Variants in RFT1 observed in about 807,000 individuals in gnomAD.
The protein encoded by RFT1 is man(5)GlcNAc(2)-PP-dolichol translocation protein RFT1.
A neutral mutation model predicts 62.2 loss-of-function variants in RFT1; 43 were observed. The ratio of observed to expected loss-of-function variants is 0.69; its 90% CI spans 0.54 to 0.89. RFT1 has a LOEUF of 0.89. Ranked by LOEUF, RFT1 falls within the 40% of genes least tolerant of loss-of-function variation. The pLI is 0.00. For synonymous variants in RFT1, 262 were observed against 264.6 expected (o/e 0.99, Z 0.10); for missense variants, 605 against 649.9 (o/e 0.93, Z 0.75).
the RFT1 span, among the ~76,000 whole-genome samples, chr3:53,081,645 G>A: frequency 1.3e-5 from 2 of 152,162 alleles, no homozygotes; most frequent in South Asian, 2.1e-4. Flanking sequence ...GACCCGAGAG[G>A]CCAAAAGTGA....
chr3:53,093,512 T>C (rs1701054731), intron 11 of RFT1, among the ~76,000 whole-genome samples: 1 of 152,138 alleles, frequency 6.6e-6, no homozygotes, highest in Non-Finnish European at 1.5e-5. Context: ...TCAAAGTATA[T>C]AGCTGTTGAG....
chr3:53,095,056 A>C (rs912742756), intron 11 of RFT1, among the ~76,000 whole-genome samples: 2 of 149,312 alleles, frequency 1.3e-5, no homozygotes, highest in South Asian at 4.2e-4. Flanking sequence ...TCGCGAGGTC[A>C]AGAGATCGAG....
In RFT1 at chr3:53,121,693, T is replaced by C; in HGVS notation, c.558+6A>G. ...CATATAAAAAGTTAAAAGCCATGAT[T>C]CTTACCTGGGCCAAAGAGAAAATGT... On this transcript the variant is annotated splice_donor_region_variant and intron_variant, in intron 5 of 12. Transcript: ENST00000296292. 6.2e-7 allele frequency: 1 copy of C among 1,608,752 alleles called. No homozygotes were observed. Among genetic ancestry groups the C allele is most frequent in the African/African-American group, 1.3e-5 (1 of 74,804 alleles).
At chr3:53,106,673 C>A (rs1208347899) in intron 8 of RFT1, 146 bp downstream of exon 8, 1 of 697,118 alleles carries the variant, frequency 1.4e-6, no homozygotes, top group South Asian at 1.8e-5. Context: ...AGGGCATAGT[C>A]AGTACAAAGA....
intron 1 of RFT1, among the ~76,000 whole-genome samples, chr3:53,126,270 GACTC>G (rs987304277): frequency 3.9e-4 from 59 of 152,290 alleles, no homozygotes; most frequent in African/African-American, 1.2e-3. Flanking sequence ...GGCCCCAATA[GACTC>G]ACTGAGTTTC....
chr3:53,075,295 T>C, the RFT1 span, among the ~76,000 whole-genome samples: 1 of 152,232 alleles, frequency 6.6e-6, no homozygotes, highest in African/African-American at 2.4e-5. Context: ...TTAGAAAGCA[T>C]GCGGCCATTT....
chr3:53,116,940 C>T (rs1701827483), intron 6 of RFT1, among the ~76,000 whole-genome samples: 1 of 152,170 alleles, frequency 6.6e-6, no homozygotes, highest in Non-Finnish European at 1.5e-5. Flanking sequence ...ATGAATTGTT[C>T]CACCTGGAAC....
rs777740926 is a variant in RFT1 at position 53,105,835 on chromosome 3, T to C, written c.827-32A>G. On this transcript the variant is annotated intron_variant, in intron 8 of 12. Coordinates refer to ENST00000296292, the MANE Select transcript of RFT1 (RefSeq NM_052859.4). ...AACAAAAAAGAAGAAACAACAATCA[T>C]GTTGGTTTTTCTATTTTAATTTTTA... 5 of 1,597,866 alleles carry C rather than the reference T, an allele frequency of 3.1e-6. No homozygotes were observed. In the South Asian group the frequency reaches 3.4e-5, roughly 11 times the overall value.
In RFT1 at chr3:53,120,005, A is replaced by T. The variant is rs953622765; in HGVS notation, c.575T>A (p.Val192Asp). 1 of 1,600,576 alleles carries T rather than the reference A, an allele frequency of 6.2e-7. No homozygotes were observed. The highest frequency in any genetic ancestry group is 1.8e-5 in the Admixed American group (1 of 55,984). ...FSLAQLFYTT[V>D]LVLCYVIYFT... ...ATAAATAACATAGCAGAGCACCAGA[A>T]CTGTGGTATAGAAAAGCTGAGAAAA... Residue 192 changes from valine to aspartate, a missense_variant, in exon 6 of 13, where the codon GTT becomes GAT. Physicochemically the swap from Val to Asp is radical, Grantham distance 152. Transcript: ENST00000296292.
intron 10 of RFT1, among the ~76,000 whole-genome samples, chr3:53,100,095 T>C (rs1214052119): frequency 1.3e-5 from 2 of 152,216 alleles, no homozygotes; most frequent in Non-Finnish European, 1.5e-5. Context: ...TCAGCATGAA[T>C]AGGCCTGCTG....
chr3:53,084,465 A>C (rs1043880820), downstream of RFT1, among the ~76,000 whole-genome samples: 7 of 152,192 alleles, frequency 4.6e-5, no homozygotes, highest in African/African-American at 1.4e-4. Flanking sequence ...TATTAGTTCC[A>C]CATAATTGGA....
At chr3:53,100,969 C>CAA (rs74496775) in intron 10 of RFT1, among the ~76,000 whole-genome samples, 3 of 151,434 alleles carry the variant, frequency 2.0e-5, no homozygotes, top group Admixed American at 6.6e-5. Flanking sequence ...AAAAAACTCC[C>CAA]AAAAAAAACA....
chr3:53,111,932 CA>C, intron 6 of RFT1, 24 bp from the exon 7 acceptor site: 2 of 1,575,896 alleles, frequency 1.3e-6, no homozygotes, highest in South Asian at 1.1e-5. Context: ...CAAAACAAAA[CA>C]AAAACATCAC....
chr3:53,091,880 C>T lies in RFT1; in HGVS notation c.*23G>A, dbSNP rs766080123. The T allele has an allele frequency of 2.0e-5, 32 of 1,613,384 alleles. No homozygotes were observed. The South Asian group carries it at 3.2e-4, about 16-fold the overall frequency. On this transcript the variant is annotated 3_prime_UTR_variant, in exon 13 of 13. Coordinates refer to ENST00000296292, the MANE Select transcript of RFT1 (RefSeq NM_052859.4). ...CTACCCATAGCTGGTCCAGGTGCCT[C>T]GGGTGTCCAGGCTTCCCTGAAGTCA... is the stretch of plus-strand genomic sequence containing the variant.
intron 12 of RFT1, 127 bp downstream of exon 12, chr3:53,092,242 G>A (rs1457505701): frequency 6.9e-7 from 1 of 1,444,966 alleles, no homozygotes; most frequent in Non-Finnish European, 9.5e-7. Flanking sequence ...CACATTATCA[G>A]AAGATGCTGC....
At chr3:53,077,406 C>T in the RFT1 span, among the ~76,000 whole-genome samples, 1 of 152,370 alleles carries the variant, frequency 6.6e-6, no homozygotes, top group East Asian at 1.9e-4. Context: ...AGATGAGCCT[C>T]CAGCATAAGG....
intron 1 of RFT1, among the ~76,000 whole-genome samples, chr3:53,127,027 C>T (rs1169594829): frequency 6.6e-6 from 1 of 152,242 alleles, no homozygotes. Context: ...CACAGAGCAG[C>T]AAGGTCTCCA....
chr3:53,088,181 C>A (rs1008390811), downstream of RFT1, among the ~76,000 whole-genome samples: 1 of 152,106 alleles, frequency 6.6e-6, no homozygotes, highest in African/African-American at 2.4e-5. Context: ...AGGACCAGGC[C>A]AGATGGAGAA....
chr3:53,125,789 T>C, intron 2 of RFT1, 120 bp downstream of exon 2: 1 of 777,846 alleles, frequency 1.3e-6, no homozygotes, highest in Non-Finnish European at 2.2e-6. Context: ...TGCTAAGACA[T>C]TCTGCTTCTG....
Sources: gnomAD v4.1 joint callset for allele counts (sites outside exome capture counted in the v4.1 genomes callset) on GRCh38, gnomAD v4.1.1 for gene constraint, MANE v1.5 for transcripts, NCBI Gene and HGNC (gene_info 2026-07-23, HGNC 2026-07-21) for gene names.